The following CELF2 variants were observed in gnomAD, a reference collection of about 807,000 sequenced individuals.
CELF2 encodes the protein CUG triplet repeat RNA-binding protein 2.
Under a neutral mutation model 62.6 loss-of-function variants are expected in CELF2, and 8 were observed. That is an observed-to-expected ratio of 0.13 (90% CI 0.07 to 0.23). The LOEUF is 0.23. Among genes scored for constraint, CELF2 ranks in the 10% least tolerant of loss-of-function variants. The pLI is 1.00. For synonymous variants in CELF2, 258 were observed against 250.0 expected, an observed-to-expected ratio of 1.03 and a Z score of -0.30; for missense variants, 333 against 671.0, an observed-to-expected ratio of 0.50 and a Z score of 5.56.
chr10:10,695,443 T>C, the CELF2 span, among the ~76,000 whole-genome samples: 66 of 150,710 alleles, frequency 4.4e-4, no homozygotes, highest in African/African-American at 1.6e-3. Context: ...CTTAACGTTT[T>C]TTCCTTCATT....
the CELF2 span, among the ~76,000 whole-genome samples, chr10:10,705,392 G>A: frequency 4.0e-5 from 6 of 151,118 alleles, no homozygotes; most frequent in Non-Finnish European, 8.8e-5. Context: ...AACCCTCAGG[G>A]TGAGACTTTT....
At chr10:10,743,362 A>T in the CELF2 span, among the ~76,000 whole-genome samples, 1 of 152,252 alleles carries the variant, frequency 6.6e-6, no homozygotes, top group African/African-American at 2.4e-5. Context: ...AGTTACAGAT[A>T]CACACAATAA....
intron 3 of CELF2, among the ~76,000 whole-genome samples, chr10:11,233,012 C>T (rs1181001474): frequency 6.6e-6 from 1 of 152,170 alleles, no homozygotes; most frequent in Non-Finnish European, 1.5e-5. Context: ...AAACATGGCA[C>T]ACTCTGTAAG....
At chr10:10,490,568 T>TGGG in the CELF2 span, among the ~76,000 whole-genome samples, 3 of 150,564 alleles carry the variant, frequency 2.0e-5, no homozygotes, top group African/African-American at 7.4e-5. Context: ...TCTATCTGGT[T>TGGG]GGGGGGGGGT....
chr10:10,567,117 A>T, the CELF2 span, among the ~76,000 whole-genome samples: 1 of 152,232 alleles, frequency 6.6e-6, no homozygotes, highest in Admixed American at 6.5e-5. Flanking sequence ...CAAAATTTCC[A>T]GGTAGACTTC....
chr10:10,655,338 C>T, the CELF2 span, among the ~76,000 whole-genome samples: 1 of 121,806 alleles, frequency 8.2e-6, no homozygotes, highest in African/African-American at 3.0e-5. Context: ...ATCAAGCTAC[C>T]AATGACTTTC....
the CELF2 span, among the ~76,000 whole-genome samples, chr10:10,500,553 C>T: frequency 2.6e-4 from 39 of 152,264 alleles, no homozygotes; most frequent in African/African-American, 9.1e-4. Context: ...GTAAGACATG[C>T]CTTTTGCCTT....
chr10:10,873,776 T>G (rs1441067516), intron 1 of CELF2, among the ~76,000 whole-genome samples: 1 of 152,210 alleles, frequency 6.6e-6, no homozygotes, highest in Non-Finnish European at 1.5e-5. Flanking sequence ...CCCTATCCAG[T>G]TCTCCCTGTC....
intron 9 of CELF2, among the ~76,000 whole-genome samples, chr10:11,294,305 G>A (rs914916753): frequency 6.6e-6 from 1 of 152,152 alleles, no homozygotes; most frequent in Non-Finnish European, 1.5e-5. Context: ...CTAAGTCCAC[G>A]TAGTCTTCCG....
At chr10:11,105,006 G>A (rs1277077842) in intron 1 of CELF2, among the ~76,000 whole-genome samples, 1 of 152,192 alleles carries the variant, frequency 6.6e-6, no homozygotes, top group East Asian at 1.9e-4. Context: ...TGAAGACCCT[G>A]GTTCAGCTGC....
At chr10:10,973,825 C>A (rs1484808912) in intron 2 of CELF2, among the ~76,000 whole-genome samples, 2 of 152,144 alleles carry the variant, frequency 1.3e-5, no homozygotes, top group Non-Finnish European at 2.9e-5. Flanking sequence ...CCTGCAGCCT[C>A]CCAAAGTGCT....
the CELF2 span, among the ~76,000 whole-genome samples, chr10:10,703,119 C>T: frequency 7.2e-5 from 11 of 152,192 alleles, no homozygotes; most frequent in Admixed American, 2.6e-4. Context: ...CACCTTCTAT[C>T]GCTCTGTCTT....
At chr10:10,739,580 G>T in the CELF2 span, among the ~76,000 whole-genome samples, 28 of 152,146 alleles carry the variant, frequency 1.8e-4, no homozygotes, top group African/African-American at 6.3e-4. Flanking sequence ...GAAAATTAAC[G>T]TTCATAAAAT....
intron 1 of CELF2, among the ~76,000 whole-genome samples, chr10:10,866,275 C>T (rs1017418948): frequency 6.6e-6 from 1 of 152,074 alleles, no homozygotes; most frequent in Non-Finnish European, 1.5e-5. Flanking sequence ...CTTGGAATGC[C>T]CTGGTGTAGG....
In CELF2 at chr10:11,255,831, A is replaced by G. The variant is rs1366030606; in HGVS notation, c.404-1907A>G. Among the ~76,000 whole-genome samples the G allele has an allele frequency of 6.6e-6, 1 of 152,086 alleles. No individual in the cohort carries two copies. Among genetic ancestry groups the G allele is most frequent in the Admixed American group, 6.5e-5 (1 of 15,286 alleles). On this transcript the variant is annotated intron_variant, in intron 4 of 12. Transcript: ENST00000633077. The surrounding 1 kb of genome is among the most constrained non-coding windows in gnomAD (Gnocchi z 5.5). ...TCAGAGGTCAGCCTATTCTCCAAAG[A>G]CACATATCAAACTCATGGCAGCACC...
At chr10:10,706,892 G>A in the CELF2 span, among the ~76,000 whole-genome samples, 1 of 152,190 alleles carries the variant, frequency 6.6e-6, no homozygotes, top group Admixed American at 6.5e-5. Context: ...CTGTGCTCCT[G>A]CTGCTGCTTT....
At chr10:11,125,685 T>TG (rs568021568) in intron 1 of CELF2, among the ~76,000 whole-genome samples, 282 of 152,334 alleles carry the variant, frequency 1.9e-3, no homozygotes, top group African/African-American at 6.5e-3. Flanking sequence ...TTTGCCACAC[T>TG]GCTGTCACCT....
the CELF2 span, among the ~76,000 whole-genome samples, chr10:10,515,862 G>A: frequency 1.3e-5 from 2 of 152,140 alleles, no homozygotes; most frequent in East Asian, 1.9e-4. Context: ...GAACATCTCC[G>A]AAACAGGGAA....
chr10:11,068,892 A>G (rs2068905599), intron 1 of CELF2, among the ~76,000 whole-genome samples: 1 of 152,220 alleles, frequency 6.6e-6, no homozygotes, highest in Non-Finnish European at 1.5e-5. Flanking sequence ...AAAACAACTC[A>G]TTCTGTCTTA....
Sources: gnomAD v4.1 joint callset for allele counts (sites outside exome capture counted in the v4.1 genomes callset) on GRCh38, gnomAD v4.1.1 for gene constraint, Gnocchi (gnomAD v3.1) non-coding constraint, MANE v1.5 for transcripts, NCBI Gene and HGNC (gene_info 2026-07-23, HGNC 2026-07-21) for gene names.